EPHA3: variants seen among roughly 807,000 people sequenced by gnomAD.
EPHA3 encodes ephrin type-A receptor 3.
In EPHA3, 42 loss-of-function variants were observed where a neutral mutation model predicts 107.1. That is an observed-to-expected ratio of 0.39 (90% CI 0.31 to 0.51). EPHA3 has a LOEUF of 0.51. EPHA3 is among the 20% of genes least tolerant of loss of function. EPHA3 has a pLI of 0.78. For synonymous variants in EPHA3, 461 were observed against 424.8 expected (o/e 1.09, Z -1.05); for missense variants, 1,183 against 1,211.2 (o/e 0.98, Z 0.35).
At chr3:89,214,572 G>C (rs1265423109) in intron 3 of EPHA3, among the ~76,000 whole-genome samples, 2 of 151,852 alleles carry the variant, frequency 1.3e-5, no homozygotes, top group Non-Finnish European at 1.5e-5. Context: ...TCCAAACAAG[G>C]ATCCAAAAGG....
At chr3:89,338,663 C>A (rs958500170) in intron 3 of EPHA3, among the ~76,000 whole-genome samples, 1 of 152,218 alleles carries the variant, frequency 6.6e-6, no homozygotes, top group Non-Finnish European at 1.5e-5. Flanking sequence ...ATTCTCCTGC[C>A]TCAGCCTCCC....
intron 3 of EPHA3, among the ~76,000 whole-genome samples, chr3:89,262,315 G>C (rs1225895979): frequency 6.6e-6 from 1 of 152,134 alleles, no homozygotes; most frequent in Non-Finnish European, 1.5e-5. Context: ...AATTGTTCTG[G>C]AGGCTAGAAG....
rs77941125 is a variant in EPHA3, at chr3:89,118,024, C to A, written c.89-9185C>A. The stretch of plus-strand genomic sequence containing the variant: ...TAAACACCACCAAATCTAGTAACTG[C>A]CAAATATTGGAAATATTTTCAAAGA... On this transcript the variant is annotated intron_variant, in intron 1 of 16. Coordinates refer to ENST00000336596, the MANE Select transcript of EPHA3 (RefSeq NM_005233.6). Among the ~76,000 whole-genome samples the A allele has an allele frequency of 1.3e-4, 20 of 151,622 alleles. No individual in the cohort carries two copies. The East Asian group carries it at 3.9e-3, about 29-fold the overall frequency.
intron 9 of EPHA3, among the ~76,000 whole-genome samples, chr3:89,408,667 A>T (rs1355533651): frequency 6.6e-6 from 1 of 151,958 alleles, no homozygotes; most frequent in African/African-American, 2.4e-5. Flanking sequence ...TACCCTTTTA[A>T]TTTTTTTTAA....
chr3:89,397,159 C>T (rs1708866563), intron 6 of EPHA3, among the ~76,000 whole-genome samples: 1 of 152,114 alleles, frequency 6.6e-6, no homozygotes, highest in Admixed American at 6.5e-5. Flanking sequence ...AGTATAATGT[C>T]ATTTTTTTCA....
chr3:89,376,450 A>G (rs909910843), intron 5 of EPHA3, among the ~76,000 whole-genome samples: 2 of 151,884 alleles, frequency 1.3e-5, no homozygotes, highest in African/African-American at 2.4e-5. Context: ...CTTTAAAATT[A>G]GTACAATCAG....
chr3:89,392,981 G>A (rs1204044011), intron 5 of EPHA3, among the ~76,000 whole-genome samples: 2 of 152,012 alleles, frequency 1.3e-5, no homozygotes, highest in African/African-American at 4.8e-5. Context: ...GTTTTATTAT[G>A]TCCACATTAT....
Position 89,219,688 on chromosome 3 carries a change from G to GTGTTTTTTTTTGTTTTTTTTTTTTTT in EPHA3, c.814+9169_814+9170insGTTTTTTTTTGTTTTTTTTTTTTTTT. 4.7e-3 allele frequency among the ~76,000 whole-genome samples: 163 copies of GTGTTTTTTTTTGTTTTTTTTTTTTTT among 34,442 alleles called. 58 individuals carry two copies. The highest frequency in any genetic ancestry group is 7.7e-3 in the East Asian group (9 of 1,168). 22.6% of individuals were successfully genotyped at this position (34,442 alleles called of 152,430 possible). A position where few individuals can be genotyped will look rare whatever the true frequency, so the allele number is the denominator to read the frequency against. On this transcript the variant is annotated intron_variant, in intron 3 of 16. Coordinates refer to ENST00000336596, the MANE Select transcript of EPHA3 (RefSeq NM_005233.6). ...TTACCTCCAAGAGGCATTTGGCAAT[G>GTGTTTTTTTTTGTTTTTTTTTTTTTT]TTTTTTTTTTTTTTGTTTTTTGTTT...
intron 3 of EPHA3, among the ~76,000 whole-genome samples, chr3:89,253,774 G>A (rs1349944281): frequency 6.6e-6 from 1 of 151,724 alleles, no homozygotes; most frequent in Non-Finnish European, 1.5e-5. Flanking sequence ...AATCTGATTT[G>A]AAATTATAGT....
chr3:89,194,077 T>C (rs1005275602), intron 2 of EPHA3, among the ~76,000 whole-genome samples: 4 of 152,012 alleles, frequency 2.6e-5, no homozygotes, highest in African/African-American at 9.7e-5. Flanking sequence ...TTATTTATAA[T>C]CATTTTTAGG....
intron 3 of EPHA3, among the ~76,000 whole-genome samples, chr3:89,216,167 A>C (rs1704219577): frequency 6.6e-6 from 1 of 151,928 alleles, no homozygotes. Flanking sequence ...AGACTATGGT[A>C]ATGTATGGGT....
At chr3:89,284,004 C>T (rs1011235682) in intron 3 of EPHA3, among the ~76,000 whole-genome samples, 17 of 151,976 alleles carry the variant, frequency 1.1e-4, no homozygotes, top group African/African-American at 3.9e-4. Flanking sequence ...GTTTAAATTC[C>T]TACTGCCACA....
chr3:89,192,610 G>A (rs1277345776), intron 2 of EPHA3, among the ~76,000 whole-genome samples: 1 of 151,870 alleles, frequency 6.6e-6, no homozygotes, highest in Non-Finnish European at 1.5e-5. Context: ...TTGCCTTCTG[G>A]TATACTTATA....
intron 3 of EPHA3, among the ~76,000 whole-genome samples, chr3:89,273,102 AT>A (rs1432102304): frequency 6.6e-6 from 1 of 151,896 alleles, no homozygotes; most frequent in Non-Finnish European, 1.5e-5. Context: ...TTTTAAAGTA[AT>A]TTTTTAACGT....
intron 3 of EPHA3, among the ~76,000 whole-genome samples, chr3:89,298,800 A>G (rs554303341): frequency 6.6e-6 from 1 of 152,262 alleles, no homozygotes; most frequent in African/African-American, 2.4e-5. Flanking sequence ...AAAACAGGTT[A>G]AAGTAATATA....
At position 89,407,336 on chromosome 3, in the gene EPHA3, TCTC is replaced by T. The variant is rs750927284; in HGVS notation, c.1666_1668del (p.Leu556del). 5 of 1,613,636 alleles carry T rather than the reference TCTC, an allele frequency of 3.1e-6. 1 individual carries two copies. Among genetic ancestry groups the T allele is most frequent in the East Asian group, 4.5e-5 (2 of 44,846 alleles). ...CCATTTCAGCGGCAGTAGCAATTAT[TCTC>T]CTCACTGTTGTCATCTATGTTTTGA... On this transcript the variant is annotated inframe_deletion, in exon 8 of 17. Transcript: ENST00000336596.
intron 3 of EPHA3, among the ~76,000 whole-genome samples, chr3:89,289,972 T>G (rs1706174529): frequency 6.6e-6 from 1 of 152,134 alleles, no homozygotes; most frequent in African/African-American, 2.4e-5. Flanking sequence ...GCCTCAGAGG[T>G]ACCTAATGTA....
chr3:89,238,862 T>A (rs1009064994), intron 3 of EPHA3, among the ~76,000 whole-genome samples: 20 of 152,170 alleles, frequency 1.3e-4, no homozygotes, highest in African/African-American at 4.6e-4. Flanking sequence ...TGGACTTGAT[T>A]ATATTTTAGG....
At chr3:89,248,439 A>AC (rs1241599726) in intron 3 of EPHA3, among the ~76,000 whole-genome samples, 8 of 152,192 alleles carry the variant, frequency 5.3e-5, no homozygotes, top group African/African-American at 1.7e-4. Flanking sequence ...CCAGTTGAAG[A>AC]CATAAGTGCC....
Sources: gnomAD v4.1 joint callset for allele counts (sites outside exome capture counted in the v4.1 genomes callset) on GRCh38, gnomAD v4.1.1 for gene constraint, MANE v1.5 for transcripts, NCBI Gene and HGNC (gene_info 2026-07-23, HGNC 2026-07-21) for gene names.